Variants in PXDNL observed in about 807,000 individuals in gnomAD.
The protein encoded by PXDNL is probable oxidoreductase PXDNL.
In PXDNL, 145 loss-of-function variants were observed where a neutral mutation model predicts 150.8. That is an observed-to-expected ratio of 0.96 (90% CI 0.84 to 1.10). The LOEUF (loss-of-function observed/expected upper bound fraction) is 1.10. Among genes scored for constraint, PXDNL ranks in the 50% least tolerant of loss-of-function variants. The pLI is 0.00. For synonymous variants in PXDNL, 757 were observed against 725.7 expected (o/e 1.04, Z -0.69); for missense variants, 2,087 against 1,873.9 (o/e 1.11, Z -2.10).
chr8:51,330,543 C>A (rs962394439), intron 21 of PXDNL, among the ~76,000 whole-genome samples: 1 of 151,216 alleles, frequency 6.6e-6, no homozygotes, highest in Admixed American at 6.6e-5. Context: ...AATTTACTTT[C>A]TCACAGCTCT....
intron 17 of PXDNL, among the ~76,000 whole-genome samples, chr8:51,392,114 C>A (rs1220287945): frequency 1.3e-5 from 2 of 152,158 alleles, no homozygotes; most frequent in East Asian, 1.9e-4. Context: ...GTTTTGGTAC[C>A]AGTACCATGC....
rs748321582 is a variant in PXDNL, at chr8:51,447,024, T to C, written c.1505A>G (p.Gln502Arg). The C allele has an allele frequency of 1.5e-5, 24 of 1,613,880 alleles. No individual in the cohort carries two copies. In the South Asian group the frequency reaches 1.5e-4, roughly 10 times the overall value. Residue 502 changes from glutamine (Q) to arginine (R), a missense_variant, in exon 12 of 23, where the codon CAG (glutamine) becomes CGG (arginine). By Grantham distance (43) the Gln-to-Arg change is conservative. Transcript: ENST00000356297. ...SSLGVKKVSV[Q>R]LTVKPKALAV... ...ATTACCTTTGGGTTTTACAGTCAGC[T>C]GCACAGACACCTTTTTCACCCCCAA... is the stretch of plus-strand genomic sequence containing the variant.
At chr8:51,412,106 C>G (rs1338659051) in intron 15 of PXDNL, among the ~76,000 whole-genome samples, 2 of 152,046 alleles carry the variant, frequency 1.3e-5, no homozygotes, top group Non-Finnish European at 2.9e-5. Context: ...AGAACTGAAC[C>G]AAATATGTTA....
At chr8:51,431,641 G>A (rs991823635) in intron 12 of PXDNL, among the ~76,000 whole-genome samples, 6 of 151,932 alleles carry the variant, frequency 3.9e-5, no homozygotes, top group Admixed American at 2.0e-4. Flanking sequence ...CTATAATATC[G>A]CTCATAGCTT....
chr8:51,405,001 C>T (rs892691571), intron 17 of PXDNL, among the ~76,000 whole-genome samples: 8 of 152,190 alleles, frequency 5.3e-5, no homozygotes, highest in African/African-American at 1.2e-4. Context: ...TGGGAGAATT[C>T]GAGCTCAGCA....
intron 17 of PXDNL, among the ~76,000 whole-genome samples, chr8:51,382,674 C>T (rs1807585110): frequency 6.6e-6 from 1 of 152,004 alleles, no homozygotes; most frequent in African/African-American, 2.4e-5. Flanking sequence ...TCATACACCC[C>T]TGCATTACTT....
intron 3 of PXDNL, among the ~76,000 whole-genome samples, chr8:51,578,001 G>A (rs1563471196): frequency 4.7e-4 from 25 of 53,034 alleles, no homozygotes; most frequent in South Asian, 6.2e-4. Context: ...GAAAGAAAGA[G>A]GAAGGAAGGA....
chr8:51,808,569 C>T (rs1043162223), intron 1 of PXDNL, among the ~76,000 whole-genome samples: 1 of 152,108 alleles, frequency 6.6e-6, no homozygotes, highest in Non-Finnish European at 1.5e-5. Flanking sequence ...CTGGTTTGCC[C>T]TACTATCCCG....
chr8:51,432,426 C>A (rs1266206172), intron 12 of PXDNL, among the ~76,000 whole-genome samples: 3 of 152,322 alleles, frequency 2.0e-5, no homozygotes, highest in African/African-American at 7.2e-5. Context: ...ATCATCCTTT[C>A]AGTTTCCATC....
intron 3 of PXDNL, among the ~76,000 whole-genome samples, chr8:51,561,055 A>G (rs1453380955): frequency 6.6e-6 from 1 of 151,988 alleles, no homozygotes; most frequent in East Asian, 1.9e-4. Context: ...AATCAAAACC[A>G]CAATGAGCTA....
At chr8:51,445,387 G>A (rs1809651690) in intron 12 of PXDNL, among the ~76,000 whole-genome samples, 2 of 152,096 alleles carry the variant, frequency 1.3e-5, no homozygotes, top group African/African-American at 2.4e-5. Context: ...CACACTTAGG[G>A]CTCTTTGTTC....
At chr8:51,372,139 G>C in intron 18 of PXDNL, 58 bp from the exon 19 acceptor site, 1 of 1,320,394 alleles carries the variant, frequency 7.6e-7, no homozygotes, top group Non-Finnish European at 1.1e-6. Flanking sequence ...GAACTCAGCT[G>C]CATGTCAAAC....
chr8:51,333,329 A>T (rs1360360512), intron 21 of PXDNL, among the ~76,000 whole-genome samples: 1 of 152,250 alleles, frequency 6.6e-6, no homozygotes, highest in Non-Finnish European at 1.5e-5. Flanking sequence ...GAACTGCCAA[A>T]AGGAGCTCGA....
intron 2 of PXDNL, among the ~76,000 whole-genome samples, chr8:51,632,355 C>T (rs572892509): frequency 6.6e-6 from 1 of 152,250 alleles, no homozygotes; most frequent in East Asian, 1.9e-4. Flanking sequence ...AATCCCAGCA[C>T]TTTGGGAAGC....
intron 10 of PXDNL, among the ~76,000 whole-genome samples, 168 bp downstream of exon 10, chr8:51,453,351 A>T (rs1315269931): frequency 6.6e-6 from 1 of 152,242 alleles, no homozygotes; most frequent in Non-Finnish European, 1.5e-5. Flanking sequence ...AAGAAAAAAA[A>T]CAACTTTTAA....
chr8:51,584,462 T>C (rs748492687), intron 3 of PXDNL, among the ~76,000 whole-genome samples: 7 of 152,232 alleles, frequency 4.6e-5, no homozygotes, highest in Non-Finnish European at 8.8e-5. Context: ...TTAATTGCTG[T>C]GTTCATCTAT....
At chr8:51,619,137 A>C (rs1814187067) in intron 2 of PXDNL, among the ~76,000 whole-genome samples, 1 of 152,126 alleles carries the variant, frequency 6.6e-6, no homozygotes, top group Non-Finnish European at 1.5e-5. Flanking sequence ...GTCTAGCCAT[A>C]ATAACTAGAA....
intron 21 of PXDNL, among the ~76,000 whole-genome samples, chr8:51,327,715 TATGAGTA>T (rs1166319568): frequency 6.6e-6 from 1 of 152,198 alleles, no homozygotes; most frequent in Non-Finnish European, 1.5e-5. Context: ...TGTTCAGAAA[TATGAGTA>T]AAACATAAAG....
intron 17 of PXDNL, among the ~76,000 whole-genome samples, chr8:51,393,475 G>A (rs1807973221): frequency 6.6e-6 from 1 of 152,246 alleles, no homozygotes; most frequent in South Asian, 2.1e-4. Context: ...GTATTGCCAA[G>A]TGCTGGGTTA....
Sources: gnomAD v4.1 joint callset for allele counts (sites outside exome capture counted in the v4.1 genomes callset) on GRCh38, gnomAD v4.1.1 for gene constraint, MANE v1.5 for transcripts, NCBI Gene and HGNC (gene_info 2026-07-23, HGNC 2026-07-21) for gene names.